Variants in SYNPR observed in about 807,000 individuals in gnomAD.
SYNPR encodes synaptoporin.
SYNPR carries 23 observed loss-of-function variants against 32.9 expected under a neutral mutation model. The ratio of observed to expected loss-of-function variants is 0.70; its 90% CI spans 0.50 to 0.99. The LOEUF is 0.99. Among genes scored for constraint, SYNPR ranks in the 50% least tolerant of loss-of-function variants. The pLI, the probability that SYNPR is intolerant of heterozygous loss-of-function variation, is 0.00. For synonymous variants in SYNPR, 146 were observed against 135.9 expected (o/e 1.07, Z -0.52); for missense variants, 318 against 349.3 (o/e 0.91, Z 0.71).
intron 2 of SYNPR, among the ~76,000 whole-genome samples, chr3:63,451,793 A>T (rs1169808265): frequency 5.9e-5 from 9 of 152,134 alleles, no homozygotes; most frequent in Non-Finnish European, 1.2e-4. Context: ...CCACTATAGG[A>T]TATTCAAGGG....
At chr3:63,372,766 G>C (rs918486421) in intron 2 of SYNPR, among the ~76,000 whole-genome samples, 2 of 152,178 alleles carry the variant, frequency 1.3e-5, no homozygotes, top group African/African-American at 4.8e-5. Flanking sequence ...GCTCGCCCCA[G>C]GGCTGCAAAG....
chr3:63,254,060 C>T (rs1231115235), intron 2 of SYNPR, among the ~76,000 whole-genome samples: 3 of 151,966 alleles, frequency 2.0e-5, no homozygotes, highest in African/African-American at 7.3e-5. Flanking sequence ...AGCAAACTAT[C>T]GCAAGGACAA....
intron 3 of SYNPR, among the ~76,000 whole-genome samples, chr3:63,519,482 G>A (rs1701865633): frequency 6.6e-6 from 1 of 152,172 alleles, no homozygotes; most frequent in African/African-American, 2.4e-5. Context: ...GCAGAGCAGA[G>A]CTTGCCCATA....
At chr3:63,567,191 A>G (rs543561668) in intron 4 of SYNPR, among the ~76,000 whole-genome samples, 1 of 151,720 alleles carries the variant, frequency 6.6e-6, no homozygotes, top group Admixed American at 6.6e-5. Flanking sequence ...TCCCACTACC[A>G]CTCTGGCACT....
chr3:63,515,527 T>A (rs549951291), intron 3 of SYNPR, among the ~76,000 whole-genome samples: 1 of 152,164 alleles, frequency 6.6e-6, no homozygotes, highest in Admixed American at 6.6e-5. Flanking sequence ...AAGAAAACAG[T>A]CTTTCCTCAA....
intron 2 of SYNPR, among the ~76,000 whole-genome samples, chr3:63,426,384 G>A (rs1196869014): frequency 6.6e-6 from 1 of 152,276 alleles, no homozygotes; most frequent in South Asian, 2.1e-4. Context: ...CTTTATGTCA[G>A]CCACAAAGAA....
intron 4 of SYNPR, among the ~76,000 whole-genome samples, chr3:63,607,656 C>T (rs1308082873): frequency 5.9e-5 from 9 of 152,190 alleles, no homozygotes; most frequent in Non-Finnish European, 1.3e-4. Flanking sequence ...CCTTAGTTTT[C>T]TAGAGCCAAC....
At chr3:63,271,362 T>C (rs918704348) in intron 3 of SYNPR, among the ~76,000 whole-genome samples, 2 of 152,162 alleles carry the variant, frequency 1.3e-5, no homozygotes, top group Non-Finnish European at 2.9e-5. Flanking sequence ...AAGGTGAATT[T>C]TACTTTTCTT....
At chr3:63,368,916 C>T (rs912848914) in intron 2 of SYNPR, among the ~76,000 whole-genome samples, 4 of 152,132 alleles carry the variant, frequency 2.6e-5, no homozygotes, top group Non-Finnish European at 5.9e-5. Context: ...AGAAGGACAC[C>T]TTACATGAAG....
rs960266527 is a variant in SYNPR at position 63,477,984 on chromosome 3, G to A, written c.85-2848G>A. Among the ~76,000 whole-genome samples, 36 of 152,276 alleles carry A rather than the reference G, an allele frequency of 2.4e-4. 1 individual carries two copies. The highest frequency in any genetic ancestry group is 7.7e-4 in the African/African-American group (32 of 41,550). On this transcript the variant is annotated intron_variant, in intron 2 of 5. Transcript: ENST00000478300. ...CCTGGATGTCTGCCTCAGCCTGTTC[G>A]TTGATCAAAGTACATCCATGTACCT...
chr3:63,286,605 C>T (rs942803402), intron 2 of SYNPR, among the ~76,000 whole-genome samples: 1 of 152,208 alleles, frequency 6.6e-6, no homozygotes, highest in Non-Finnish European at 1.5e-5. Flanking sequence ...GAAAAACAGT[C>T]ATGTGCTAGT....
chr3:63,418,796 G>A (rs2088573728), intron 2 of SYNPR, among the ~76,000 whole-genome samples: 1 of 152,126 alleles, frequency 6.6e-6, no homozygotes, highest in Admixed American at 6.5e-5. Flanking sequence ...CCCACCAGGT[G>A]CCTCCCACTT....
At chr3:63,576,335 A>G (rs528512584) in intron 4 of SYNPR, among the ~76,000 whole-genome samples, 5 of 152,270 alleles carry the variant, frequency 3.3e-5, no homozygotes, top group African/African-American at 1.2e-4. Flanking sequence ...TATGAGCACA[A>G]GAGAATTGTT....
rs558999674 is a variant in SYNPR at position 63,468,751 on chromosome 3, A to G, written c.85-12081A>G. Among the ~76,000 whole-genome samples, 3 of 152,316 alleles carry G rather than the reference A, an allele frequency of 2.0e-5. No individual in the cohort carries two copies. The South Asian group carries it at 6.2e-4, about 32-fold the overall frequency. On this transcript the variant is annotated intron_variant, in intron 2 of 5. Coordinates refer to ENST00000478300, the MANE Select transcript of SYNPR (RefSeq NM_001130003.2). ...AGCAGGCAGAATTTACAGTGAGCCAAGAACATGCTGCTGCACTCCAGGCTG... is the reference window on the plus strand; with the variant it reads ...AGCAGGCAGAATTTACAGTGAGCCAGGAACATGCTGCTGCACTCCAGGCTG...
rs866229940 is a variant in SYNPR at position 63,447,931 on chromosome 3, T to C, written c.85-32901T>C. On this transcript the variant is annotated intron_variant, in intron 2 of 5. Transcript: ENST00000478300. ...TGACATTATTTTCTTTTGGAGTAAATGATGTGTTGGGCATAAAAGGTTTCT... is the reference window on the plus strand; with the variant it reads ...TGACATTATTTTCTTTTGGAGTAAACGATGTGTTGGGCATAAAAGGTTTCT... Among the ~76,000 whole-genome samples the C allele has an allele frequency of 2.0e-4, 30 of 152,290 alleles. 1 individual carries two copies. The highest frequency in any genetic ancestry group is 8.8e-5 in the Non-Finnish European group (6 of 68,028).
intron 2 of SYNPR, among the ~76,000 whole-genome samples, chr3:63,480,426 GACAA>G (rs1575666737): frequency 1.3e-5 from 2 of 152,070 alleles, no homozygotes; most frequent in Non-Finnish European, 2.9e-5. Context: ...AGAAAATAAA[GACAA>G]ACAAAGAGAA....
chr3:63,275,885 CA>C (rs1425427510), upstream of SYNPR, among the ~76,000 whole-genome samples: 3 of 152,128 alleles, frequency 2.0e-5, no homozygotes, highest in African/African-American at 7.2e-5. Flanking sequence ...AGAGGATGAA[CA>C]CAAGGACCAT....
chr3:63,480,937 G>C lies in SYNPR; in HGVS notation c.190G>C (p.Ala64Pro). 1 of 1,612,724 alleles carries C rather than the reference G, an allele frequency of 6.2e-7. No individual in the cohort carries two copies. Among genetic ancestry groups the C allele is most frequent in the Non-Finnish European group, 8.5e-7 (1 of 1,179,064 alleles). Residue 64 changes from alanine to proline, a missense_variant, in exon 3 of 6, where the codon GCG becomes CCG. Ala to Pro is a conservative substitution (Grantham distance 27). Coordinates refer to ENST00000478300, the MANE Select transcript of SYNPR (RefSeq NM_001130003.2). The part of the protein sequence containing the change: ...KTESNLSIDI[A>P]FAYPFRLHQV... ...AGAAAGTAACCTCAGCATCGACATA[G>C]CGTTTGCCTACCCATTCAGGTAGGG...
intron 4 of SYNPR, among the ~76,000 whole-genome samples, chr3:63,586,347 T>G (rs1045190086): frequency 2.0e-5 from 3 of 151,732 alleles, no homozygotes; most frequent in East Asian, 1.9e-4. Flanking sequence ...AACAGAAAAT[T>G]TTTCGTAATT....
Sources: allele counts gnomAD v4.1 joint callset (sites outside exome capture counted in the v4.1 genomes callset), GRCh38; gene constraint gnomAD v4.1.1; transcripts MANE v1.5; gene names NCBI Gene and HGNC (gene_info 2026-07-23, HGNC 2026-07-21).